CAMTA1: variants seen among roughly 807,000 people sequenced by gnomAD.
CAMTA1 encodes the protein calmodulin binding transcription activator 1, also known as calmodulin-binding transcription activator 1.
Under a neutral mutation model 170.9 loss-of-function variants are expected in CAMTA1, and 27 were observed. That is an observed-to-expected ratio of 0.16 (90% CI 0.12 to 0.22). CAMTA1 has a LOEUF of 0.22. Ranked by LOEUF, CAMTA1 falls within the 10% of genes least tolerant of loss-of-function variation. The pLI, the probability that CAMTA1 is intolerant of heterozygous loss-of-function variation, is 1.00. For synonymous variants in CAMTA1, 833 were observed against 891.5 expected (o/e 0.93, Z 1.17); for missense variants, 1,619 against 2,217.2 (o/e 0.73, Z 5.42).
chr1:7,292,644 T>C (rs1044794486), intron 5 of CAMTA1, among the ~76,000 whole-genome samples: 10 of 152,182 alleles, frequency 6.6e-5, no homozygotes, highest in African/African-American at 1.4e-4. Context: ...AATTTCTGAA[T>C]TGATCCCTGA....
At chr1:7,196,550 A>G (rs1655569243) in intron 4 of CAMTA1, among the ~76,000 whole-genome samples, 1 of 152,202 alleles carries the variant, frequency 6.6e-6, no homozygotes, top group Admixed American at 6.5e-5. Context: ...TCAGTGCACT[A>G]ACAGATTTTG....
intron 6 of CAMTA1, among the ~76,000 whole-genome samples, chr1:7,601,785 A>G (rs930503457): frequency 6.6e-6 from 1 of 152,204 alleles, no homozygotes; most frequent in Non-Finnish European, 1.5e-5. Context: ...CCAAAAAAAT[A>G]CGAAAACCAG....
At chr1:7,121,827 G>T (rs1644660919) in intron 4 of CAMTA1, among the ~76,000 whole-genome samples, 1 of 152,154 alleles carries the variant, frequency 6.6e-6, no homozygotes, top group Non-Finnish European at 1.5e-5. Flanking sequence ...CGCGAGGGGG[G>T]TGCCACGTGG....
At chr1:7,551,726 G>A (rs1205304596) in intron 6 of CAMTA1, among the ~76,000 whole-genome samples, 1 of 152,192 alleles carries the variant, frequency 6.6e-6, no homozygotes, top group Admixed American at 6.5e-5. Flanking sequence ...TCCAGTATCT[G>A]TGGCCCTTGG....
chr1:7,752,307 C>T, intron 20 of CAMTA1, 152 bp from the exon 21 acceptor site: 1 of 690,400 alleles, frequency 1.4e-6, no homozygotes, highest in Non-Finnish European at 2.6e-6. Context: ...CATACGCACT[C>T]ATCCCCCTTC....
chr1:7,684,547 T>C (rs1381160763), intron 11 of CAMTA1, among the ~76,000 whole-genome samples: 2 of 152,202 alleles, frequency 1.3e-5, no homozygotes, highest in South Asian at 2.1e-4. Flanking sequence ...ATCATCGTTA[T>C]GGATCCATGG....
chr1:7,044,694 C>T lies in CAMTA1; in HGVS notation c.235-46610C>T, dbSNP rs1178191645. On this transcript the variant is annotated intron_variant, in intron 3 of 22. Transcript: ENST00000303635. The surrounding 1 kb of genome is among the most constrained non-coding windows in gnomAD (Gnocchi z 5.0). Reference sequence around the variant, plus strand: ...GAAGCCTGTCCCTCCCCTCTCTGGGCGACCTTCCGAGGAGGCATCAGCTCT... The same window carrying T: ...GAAGCCTGTCCCTCCCCTCTCTGGGTGACCTTCCGAGGAGGCATCAGCTCT... Among the ~76,000 whole-genome samples, 1 of 147,198 alleles carries T rather than the reference C, an allele frequency of 6.8e-6. No homozygotes were observed. Among genetic ancestry groups the T allele is most frequent in the Non-Finnish European group, 1.5e-5 (1 of 67,480 alleles).
chr1:6,858,315 G>C (rs972296536), intron 3 of CAMTA1, among the ~76,000 whole-genome samples: 2 of 152,000 alleles, frequency 1.3e-5, no homozygotes, highest in African/African-American at 4.8e-5. Context: ...CTTATCCTTA[G>C]GGACATTACC....
chr1:7,743,396 A>G (rs2150073770), intron 16 of CAMTA1, among the ~76,000 whole-genome samples: 1 of 152,230 alleles, frequency 6.6e-6, no homozygotes, highest in South Asian at 2.1e-4. Flanking sequence ...CTTCTAGTAA[A>G]CATATACAGC....
chr1:7,319,727 A>T (rs1262006074), intron 5 of CAMTA1, among the ~76,000 whole-genome samples: 1 of 152,212 alleles, frequency 6.6e-6, no homozygotes, highest in Non-Finnish European at 1.5e-5. Context: ...CCGCATTCCA[A>T]GTCCTGAGAA....
chr1:7,663,449 C>T lies in CAMTA1; in HGVS notation c.902C>T (p.Ser301Leu), dbSNP rs745418984. 6.3e-6 allele frequency: 10 copies of T among 1,583,928 alleles called. No homozygotes were observed. The highest frequency in any genetic ancestry group is 4.6e-5 in the South Asian group (4 of 87,436). The change falls in exon 9 of 23, where the codon TCG becomes TTG. Residue 301 changes from serine (S) to leucine (L), a missense_variant. This residue lies in a region of CAMTA1 where 731 missense variants were observed against 907.6 expected (regional missense o/e 0.81). Coordinates refer to ENST00000303635, the MANE Select transcript of CAMTA1 (RefSeq NM_015215.4). ...EPRTGGYGSH[S>L]EVQHNDVSEG... ...CGGACAGGGGGGTACGGGAGCCACT[C>T]GGAGGTGCAGCACAATGACGTGTCG... is the stretch of plus-strand genomic sequence containing the variant.
intron 3 of CAMTA1, among the ~76,000 whole-genome samples, chr1:6,867,702 T>A (rs947221834): frequency 2.0e-5 from 3 of 152,234 alleles, no homozygotes; most frequent in Non-Finnish European, 2.9e-5. Context: ...ATAGCTCAAG[T>A]GCATTTTTTT....
At chr1:7,589,264 A>C (rs1476027079) in intron 6 of CAMTA1, among the ~76,000 whole-genome samples, 2 of 152,162 alleles carry the variant, frequency 1.3e-5, no homozygotes, top group African/African-American at 4.8e-5. Context: ...TCTACCAAGG[A>C]GAGGGTGCCC....
chr1:7,740,548 C>T (rs1489792505), intron 16 of CAMTA1, among the ~76,000 whole-genome samples: 2 of 152,262 alleles, frequency 1.3e-5, no homozygotes, highest in Non-Finnish European at 2.9e-5. Flanking sequence ...GCATCGAGAA[C>T]AGTACCATCC....
intron 22 of CAMTA1, among the ~76,000 whole-genome samples, chr1:7,764,487 G>T (rs2150322371): frequency 1.3e-5 from 2 of 152,330 alleles, no homozygotes; most frequent in South Asian, 2.1e-4. Context: ...TCTATGAAGA[G>T]ATTGTATCAA....
rs17030769 is a variant in CAMTA1, at chr1:7,375,816, C to A, written c.439-92014C>A. On this transcript the variant is annotated intron_variant, in intron 5 of 22. Coordinates refer to ENST00000303635, the MANE Select transcript of CAMTA1 (RefSeq NM_015215.4). ...AGGCCTTTCCATTAATTAATGCAAACATTAAAGCTTTATAGAGCTGGCTTC... is the reference window on the plus strand; with the variant it reads ...AGGCCTTTCCATTAATTAATGCAAAAATTAAAGCTTTATAGAGCTGGCTTC... 9.6e-3 allele frequency among the ~76,000 whole-genome samples: 1,467 copies of A among 152,316 alleles called. 21 individuals are homozygous for A. The highest frequency in any genetic ancestry group is 0.034 in the African/African-American group (1,399 of 41,566).
intron 5 of CAMTA1, among the ~76,000 whole-genome samples, chr1:7,284,148 T>TCC (rs1671935254): frequency 5.6e-5 from 6 of 107,170 alleles, no homozygotes; most frequent in African/African-American, 2.3e-4. Flanking sequence ...CTTCTTCTTC[T>TCC]TCTTCTTCTT....
intron 3 of CAMTA1, among the ~76,000 whole-genome samples, chr1:6,875,485 A>G (rs867328014): frequency 1.3e-5 from 2 of 152,110 alleles, no homozygotes; most frequent in Non-Finnish European, 2.9e-5. Context: ...AGGTTTCACC[A>G]TGTTGGCCAG....
At chr1:7,591,135 G>A (rs1177137640) in intron 6 of CAMTA1, among the ~76,000 whole-genome samples, 2 of 152,114 alleles carry the variant, frequency 1.3e-5, no homozygotes, top group Admixed American at 1.3e-4. Flanking sequence ...TGCAGTTCCC[G>A]GGCGCTGCAG....
Sources: allele counts gnomAD v4.1 joint callset (sites outside exome capture counted in the v4.1 genomes callset), GRCh38; gene constraint gnomAD v4.1.1; regional missense constraint gnomAD v4.1.1; non-coding constraint Gnocchi (gnomAD v3.1); transcripts MANE v1.5; gene names NCBI Gene and HGNC (gene_info 2026-07-23, HGNC 2026-07-21).